GLI2: variants seen among roughly 807,000 people sequenced by gnomAD.
The protein encoded by GLI2 is GLI family zinc finger 2.
Under a neutral mutation model 78.9 loss-of-function variants are expected in GLI2, and 22 were observed. That is an observed-to-expected ratio of 0.28 (90% CI 0.20 to 0.40). GLI2 has a LOEUF of 0.40. GLI2 is among the 10% of genes least tolerant of loss of function. The probability of loss-of-function intolerance (pLI) is 1.00; values close to 1 mark genes in which losing one functional copy is unlikely to be tolerated. For synonymous variants in GLI2, 974 were observed against 963.7 expected, an observed-to-expected ratio of 1.01 and a Z score of -0.20; for missense variants, 2,097 against 2,213.2, an observed-to-expected ratio of 0.95 and a Z score of 1.05.
rs114484036 is a variant in GLI2, at chr2:120,810,228, C to T, written c.148+12760C>T. ...GAGGGGGATGGTCTTGCCAGTGCTA[C>T]GCGGTGAGTATCTACCAGATCTTGG... On this transcript the variant is annotated intron_variant, in intron 2 of 13. Coordinates refer to ENST00000361492, the MANE Select transcript of GLI2 (RefSeq NM_001374353.1). Among the ~76,000 whole-genome samples, 694 of 152,334 alleles carry T rather than the reference C, an allele frequency of 4.6e-3. 4 individuals are homozygous for T. The highest frequency in any genetic ancestry group is 0.015 in the African/African-American group (642 of 41,576).
rs1186074483 is a variant in GLI2 at position 120,808,632 on chromosome 2, G to A, written c.148+11164G>A. Among the ~76,000 whole-genome samples the A allele has an allele frequency of 2.6e-5, 4 of 152,282 alleles. No homozygotes were observed. In the East Asian group the frequency reaches 7.7e-4, roughly 29 times the overall value. On this transcript the variant is annotated intron_variant, in intron 2 of 13. Coordinates refer to ENST00000361492, the MANE Select transcript of GLI2 (RefSeq NM_001374353.1). Reference sequence around the variant, plus strand: ...TGAGGTTTCCACGCTGGAGTCAATGGCCCTCTACGCCATGTTGGTGACAAG... The same window carrying A: ...TGAGGTTTCCACGCTGGAGTCAATGACCCTCTACGCCATGTTGGTGACAAG...
intron 1 of GLI2, among the ~76,000 whole-genome samples, chr2:120,793,355 C>T (rs910546219): frequency 6.6e-6 from 1 of 152,348 alleles, no homozygotes; most frequent in East Asian, 1.9e-4. Context: ...CTCCCAGTCC[C>T]TCTTTTTCTG....
chr2:120,816,002 ACC>A (rs1685476768), intron 2 of GLI2, among the ~76,000 whole-genome samples: 1 of 151,558 alleles, frequency 6.6e-6, no homozygotes, highest in African/African-American at 2.4e-5. Context: ...GGGTTGTATG[ACC>A]CTCCCCCTTG....
At chr2:120,837,310 C>T (rs1014609038) in intron 2 of GLI2, among the ~76,000 whole-genome samples, 8 of 147,806 alleles carry the variant, frequency 5.4e-5, no homozygotes, top group Admixed American at 2.8e-4. Flanking sequence ...AGGAGAATGG[C>T]GTGAACCCAG....
intron 1 of GLI2, among the ~76,000 whole-genome samples, chr2:120,738,476 G>A (rs1682435279): frequency 6.6e-6 from 1 of 152,214 alleles, no homozygotes; most frequent in South Asian, 2.1e-4. Context: ...CCTCTGCTTC[G>A]AGAAATATGC....
chr2:120,941,815 G>A (rs1019692687), intron 3 of GLI2, among the ~76,000 whole-genome samples: 3 of 152,226 alleles, frequency 2.0e-5, no homozygotes, highest in Non-Finnish European at 2.9e-5. Context: ...ACAAGCCAGC[G>A]GTTCCGAGGC....
At chr2:120,808,380 C>A (rs1005884393) in intron 2 of GLI2, among the ~76,000 whole-genome samples, 1 of 152,104 alleles carries the variant, frequency 6.6e-6, no homozygotes, top group Admixed American at 6.5e-5. Context: ...GTGCAAAGGC[C>A]CCTGTTGTCC....
intron 2 of GLI2, among the ~76,000 whole-genome samples, chr2:120,820,720 A>G (rs1685728581): frequency 6.6e-6 from 1 of 152,238 alleles, no homozygotes; most frequent in Non-Finnish European, 1.5e-5. Flanking sequence ...GGAGAAGGAA[A>G]GAGTGAGCGC....
At chr2:120,867,331 T>C (rs1688187694) in intron 2 of GLI2, 1 of 152,274 alleles carries the variant, frequency 6.6e-6, no homozygotes, top group Non-Finnish European at 1.5e-5. Flanking sequence ...GACAGCATGC[T>C]GCCCGCCAGC....
chr2:120,889,390 G>C (rs923031448), intron 2 of GLI2, among the ~76,000 whole-genome samples: 3 of 152,216 alleles, frequency 2.0e-5, no homozygotes, highest in African/African-American at 7.2e-5. Flanking sequence ...CATCGAGGAA[G>C]GATGAGAAAT....
chr2:120,945,449 G>A lies in GLI2; in HGVS notation c.255-5794G>A, dbSNP rs138979393. On this transcript the variant is annotated intron_variant, in intron 3 of 13. Coordinates refer to ENST00000361492, the MANE Select transcript of GLI2 (RefSeq NM_001374353.1). ...GCAGGATGTCCAGGGACCCTCTCCTGTTCTGCAGGTGGGTGGATGGACAGG... is the reference window on the plus strand; with the variant it reads ...GCAGGATGTCCAGGGACCCTCTCCTATTCTGCAGGTGGGTGGATGGACAGG... 1.4e-3 allele frequency among the ~76,000 whole-genome samples: 214 copies of A among 152,336 alleles called. 2 individuals are homozygous for A. Among genetic ancestry groups the A allele is most frequent in the African/African-American group, 4.9e-3 (204 of 41,578 alleles).
intron 3 of GLI2, among the ~76,000 whole-genome samples, chr2:120,940,274 T>C (rs1680391488): frequency 6.6e-6 from 1 of 152,208 alleles, no homozygotes; most frequent in Non-Finnish European, 1.5e-5. Flanking sequence ...CATTGTAAAA[T>C]AGCTCAGGTA....
chr2:120,935,066 A>G (rs1177677057), intron 3 of GLI2, among the ~76,000 whole-genome samples: 1 of 152,152 alleles, frequency 6.6e-6, no homozygotes, highest in Non-Finnish European at 1.5e-5. Flanking sequence ...CGATTCATAG[A>G]GGATTGGCTT....
At chr2:120,925,110 C>T (rs1022248023) in intron 2 of GLI2, among the ~76,000 whole-genome samples, 3 of 152,212 alleles carry the variant, frequency 2.0e-5, no homozygotes, top group African/African-American at 2.4e-5. Context: ...GCCACATGCC[C>T]GGCTCACCTG....
intron 9 of GLI2, among the ~76,000 whole-genome samples, chr2:120,977,582 GA>G (rs1253908390): frequency 5.9e-5 from 9 of 152,166 alleles, no homozygotes; most frequent in Non-Finnish European, 1.2e-4. Context: ...GACGGGGGAG[GA>G]AACTGAGAAC....
intron 2 of GLI2, among the ~76,000 whole-genome samples, chr2:120,827,953 A>G (rs1351332260): frequency 6.6e-6 from 1 of 152,192 alleles, no homozygotes; most frequent in Non-Finnish European, 1.5e-5. Context: ...CTGGAGATGG[A>G]TGGTCGTGAT....
intron 2 of GLI2, among the ~76,000 whole-genome samples, chr2:120,808,223 C>T (rs1050772386): frequency 4.6e-5 from 7 of 152,190 alleles, no homozygotes; most frequent in African/African-American, 1.2e-4. Flanking sequence ...AATGGAAGGA[C>T]GTCCAGGAGA....
intron 1 of GLI2, among the ~76,000 whole-genome samples, chr2:120,793,474 C>T (rs894103223): frequency 5.3e-5 from 8 of 152,212 alleles, no homozygotes; most frequent in Non-Finnish European, 7.3e-5. Context: ...CAGGGCTTGA[C>T]GGGCCTGCCT....
At chr2:120,966,243 A>T (rs1046228850) in intron 5 of GLI2, among the ~76,000 whole-genome samples, 1 of 152,220 alleles carries the variant, frequency 6.6e-6, no homozygotes, top group Non-Finnish European at 1.5e-5. Context: ...ACTGGGTCAC[A>T]GCAACCCCAG....
Sources: gnomAD v4.1 joint callset for allele counts (sites outside exome capture counted in the v4.1 genomes callset) on GRCh38, gnomAD v4.1.1 for gene constraint, MANE v1.5 for transcripts, NCBI Gene and HGNC (gene_info 2026-07-23, HGNC 2026-07-21) for gene names.